NEIL3: variants seen among roughly 807,000 people sequenced by gnomAD.
NEIL3 encodes endonuclease 8-like 3.
NEIL3 carries 48 observed loss-of-function variants against 57.5 expected under a neutral mutation model. The observed-to-expected ratio is 0.83, with a 90% CI of 0.66 to 1.06. NEIL3 has a LOEUF of 1.06. Among genes scored for constraint, NEIL3 ranks in the 50% least tolerant of loss-of-function variants. The probability of loss-of-function intolerance (pLI) is 0.00; values close to 1 mark genes in which losing one functional copy is unlikely to be tolerated. For synonymous variants in NEIL3, 261 were observed against 253.2 expected, an observed-to-expected ratio of 1.03 and a Z score of -0.29; for missense variants, 717 against 739.1, an observed-to-expected ratio of 0.97 and a Z score of 0.35.
chr4:177,349,514 C>A (rs560877866), intron 6 of NEIL3, among the ~76,000 whole-genome samples: 2 of 152,104 alleles, frequency 1.3e-5, no homozygotes, highest in Admixed American at 1.3e-4. Flanking sequence ...CTTATAAAGA[C>A]ACTTGTGATT....
chr4:177,330,021 C>A (rs542666811), intron 2 of NEIL3, among the ~76,000 whole-genome samples: 1 of 152,054 alleles, frequency 6.6e-6, no homozygotes, highest in African/African-American at 2.4e-5. Flanking sequence ...AAGTGATTCT[C>A]CTGCCTCAGC....
chr4:177,363,980 A>C (rs935490964), downstream of NEIL3, among the ~76,000 whole-genome samples: 1 of 152,122 alleles, frequency 6.6e-6, no homozygotes. Flanking sequence ...TTCTGGGCTC[A>C]AGAGATCCTC....
rs572830521 is a variant in NEIL3 at position 177,312,113 on chromosome 4, G to A, written c.156+2004G>A. On this transcript the variant is annotated intron_variant, in intron 1 of 9. Coordinates refer to ENST00000264596, the MANE Select transcript of NEIL3 (RefSeq NM_018248.3). ...AAGTTTTGTTGTGATTATCTCTGAT[G>A]GTATGGCATGAGATGCTTTTACATT... 2.0e-5 allele frequency among the ~76,000 whole-genome samples: 3 copies of A among 152,210 alleles called. No homozygotes were observed. The South Asian group carries it at 6.2e-4, about 32-fold the overall frequency.
At chr4:177,365,893 T>A (rs1239378726), downstream of NEIL3, among the ~76,000 whole-genome samples, 1 of 152,178 alleles carries the variant, frequency 6.6e-6, no homozygotes, top group East Asian at 1.9e-4. Flanking sequence ...ATATAATACC[T>A]ATACTATTCA....
intron 6 of NEIL3, among the ~76,000 whole-genome samples, chr4:177,348,796 G>C (rs372938690): frequency 1.8e-4 from 27 of 149,692 alleles, no homozygotes; most frequent in African/African-American, 5.7e-4. Flanking sequence ...TGAATTGAGC[G>C]ATACTGATGC....
chr4:177,311,948 T>C (rs1734484319), intron 1 of NEIL3, among the ~76,000 whole-genome samples: 1 of 152,132 alleles, frequency 6.6e-6, no homozygotes, highest in Non-Finnish European at 1.5e-5. Context: ...CCACAACGTA[T>C]TTTGTGTTAG....
At chr4:177,354,496 C>T (rs17064704) in intron 8 of NEIL3, among the ~76,000 whole-genome samples, 16,611 of 152,088 alleles carry the variant, frequency 0.11, 1,073 homozygotes, top group East Asian at 0.18. Context: ...AGTGACCTTT[C>T]TGTTAAAGAA....
At chr4:177,342,592 A>G (rs913741420) in intron 6 of NEIL3, among the ~76,000 whole-genome samples, 4 of 152,046 alleles carry the variant, frequency 2.6e-5, no homozygotes, top group Non-Finnish European at 5.9e-5. Context: ...GAAGATCTCA[A>G]AGAAAGCGTC....
At chr4:177,360,381 C>T (rs928481141) in intron 8 of NEIL3, 122 bp from the exon 9 acceptor site, 26 of 603,602 alleles carry the variant, frequency 4.3e-5, no homozygotes, top group Admixed American at 3.6e-4. Flanking sequence ...CTAATGTTAA[C>T]GAGGTCCACT....
At chr4:177,313,185 C>T (rs1056393157) in intron 1 of NEIL3, among the ~76,000 whole-genome samples, 19 of 152,268 alleles carry the variant, frequency 1.2e-4, no homozygotes, top group Admixed American at 2.0e-4. Context: ...ATTTAATGGG[C>T]ATTCAAAATA....
At chr4:177,335,092 C>CT (rs963241302) in intron 2 of NEIL3, among the ~76,000 whole-genome samples, 23 of 150,818 alleles carry the variant, frequency 1.5e-4, no homozygotes, top group South Asian at 2.1e-4. Context: ...CTTGTTCTCT[C>CT]TTTTTTTTTG....
intron 2 of NEIL3, among the ~76,000 whole-genome samples, chr4:177,334,989 T>G (rs1349297527): frequency 2.0e-5 from 3 of 152,312 alleles, no homozygotes; most frequent in African/African-American, 7.2e-5. Context: ...CCTTGTGGCT[T>G]TCAAGTTAAC....
chr4:177,353,801 T>C (rs1735416225), intron 8 of NEIL3, 73 bp downstream of exon 8: 2 of 1,309,916 alleles, frequency 1.5e-6, no homozygotes, highest in Admixed American at 2.1e-5. Flanking sequence ...GGTCTCACTC[T>C]GTCACCTAGG....
chr4:177,341,330 A>G, intron 5 of NEIL3, 146 bp from the exon 6 acceptor site: 1 of 534,014 alleles, frequency 1.9e-6, no homozygotes, highest in Non-Finnish European at 3.1e-6. Context: ...TTCTCTGATG[A>G]AAGAAAAGAT....
intron 8 of NEIL3, among the ~76,000 whole-genome samples, chr4:177,355,714 G>A (rs1374044478): frequency 6.6e-6 from 1 of 152,024 alleles, no homozygotes; most frequent in Non-Finnish European, 1.5e-5. Flanking sequence ...GGACCATTTG[G>A]TGTAAACTCC....
chr4:177,355,119 C>A (rs1257149286), intron 8 of NEIL3, among the ~76,000 whole-genome samples: 3 of 152,202 alleles, frequency 2.0e-5, no homozygotes, highest in Non-Finnish European at 4.4e-5. Flanking sequence ...CATTTCTCCA[C>A]CATTTTCTTT....
rs1290772623 is a variant in NEIL3 at position 177,310,061 on chromosome 4, G to A, written c.108G>A (p.Gln36=). The A allele has an allele frequency of 1.2e-6, 2 of 1,602,388 alleles. No homozygotes were observed. The highest frequency in any genetic ancestry group is 1.1e-5 in the South Asian group (1 of 89,790). The change falls in exon 1 of 10, where the codon CAG becomes CAA. Residue 36 remains glutamine, a synonymous_variant. Coordinates refer to ENST00000264596, the MANE Select transcript of NEIL3 (RefSeq NM_018248.3). The part of the protein sequence containing the change: ...GVRGSALRSL[Q]GRALRLAAST... ...GGGGAAGCGCTCTGCGGAGTCTGCA[G>A]GGCCGCGCCTTGCGGCTCGCAGCCT...
chr4:177,346,449 A>T (rs533124870), intron 6 of NEIL3, among the ~76,000 whole-genome samples: 1 of 152,320 alleles, frequency 6.6e-6, no homozygotes, highest in South Asian at 2.1e-4. Context: ...AACTACAGGC[A>T]TAAGCCACCG....
chr4:177,322,097 C>A (rs1734696591), intron 1 of NEIL3, among the ~76,000 whole-genome samples: 1 of 152,230 alleles, frequency 6.6e-6, no homozygotes, highest in African/African-American at 2.4e-5. Flanking sequence ...TGGCTATATA[C>A]TTCTGGAAAT....
Sources: gnomAD v4.1 joint callset for allele counts (sites outside exome capture counted in the v4.1 genomes callset) on GRCh38, gnomAD v4.1.1 for gene constraint, MANE v1.5 for transcripts, NCBI Gene and HGNC (gene_info 2026-07-23, HGNC 2026-07-21) for gene names.